Variants in SMAP1 observed in about 807,000 individuals in gnomAD.
The protein encoded by SMAP1 is small ArfGAP 1.
Under a neutral mutation model 58.5 loss-of-function variants are expected in SMAP1, and 24 were observed. The ratio of observed to expected loss-of-function variants is 0.41; its 90% CI spans 0.30 to 0.58. The LOEUF (loss-of-function observed/expected upper bound fraction) is 0.58. SMAP1 is among the 20% of genes least tolerant of loss of function. The pLI, the probability that SMAP1 is intolerant of heterozygous loss-of-function variation, is 0.29. For missense variants in SMAP1, 563 were observed against 566.3 expected (o/e 0.99, Z 0.06); for synonymous variants, 216 against 196.6 (o/e 1.10, Z -0.82).
chr6:70,825,614 A>G (rs1770082869), intron 6 of SMAP1, among the ~76,000 whole-genome samples: 1 of 152,168 alleles, frequency 6.6e-6, no homozygotes. Context: ...AGTCTTACGA[A>G]CAGGAGCTTA....
At chr6:70,675,640 G>A (rs1476254477) in intron 1 of SMAP1, among the ~76,000 whole-genome samples, 4 of 145,746 alleles carry the variant, frequency 2.7e-5, no homozygotes, top group Non-Finnish European at 6.0e-5. Context: ...AACAGAGCGA[G>A]ACTCCATCTC....
intron 1 of SMAP1, among the ~76,000 whole-genome samples, chr6:70,725,148 G>T (rs1161393617): frequency 2.3e-4 from 23 of 100,528 alleles, no homozygotes; most frequent in African/African-American, 7.9e-4. Context: ...ACGGAGTCTC[G>T]CTCTGTCGCC....
At chr6:70,735,652 C>G (rs1390235970) in intron 2 of SMAP1, among the ~76,000 whole-genome samples, 1 of 152,084 alleles carries the variant, frequency 6.6e-6, no homozygotes, top group Non-Finnish European at 1.5e-5. Flanking sequence ...ACCCGTAGTC[C>G]CAGCTACTCT....
At chr6:70,675,162 T>G (rs1766424815) in intron 1 of SMAP1, among the ~76,000 whole-genome samples, 1 of 140,108 alleles carries the variant, frequency 7.1e-6, no homozygotes, top group South Asian at 2.2e-4. Context: ...AAAAAGCAAA[T>G]AATAACATTA....
chr6:70,755,203 T>C (rs1766437301), intron 3 of SMAP1, 138 bp downstream of exon 3: 1 of 683,988 alleles, frequency 1.5e-6, no homozygotes, highest in East Asian at 2.8e-5. Flanking sequence ...TGACTTGCTG[T>C]GAGCTGTGCT....
chr6:70,743,608 C>G (rs890178432), intron 2 of SMAP1, among the ~76,000 whole-genome samples: 9 of 152,086 alleles, frequency 5.9e-5, no homozygotes, highest in South Asian at 2.1e-4. Flanking sequence ...TCAAGAAAAC[C>G]ATAGGCCAAA....
chr6:70,746,677 T>C (rs1766056404), intron 2 of SMAP1, among the ~76,000 whole-genome samples: 1 of 152,226 alleles, frequency 6.6e-6, no homozygotes, highest in Non-Finnish European at 1.5e-5. Flanking sequence ...CAGGATGATG[T>C]TGGCCTGGTA....
intron 1 of SMAP1, among the ~76,000 whole-genome samples, chr6:70,715,377 C>T (rs910750397): frequency 6.6e-6 from 1 of 151,892 alleles, no homozygotes; most frequent in African/African-American, 2.4e-5. Flanking sequence ...TGGGCATGAG[C>T]CACTGCACCT....
chr6:70,843,410 A>G (rs553732518), intron 7 of SMAP1, among the ~76,000 whole-genome samples: 165 of 152,226 alleles, frequency 1.1e-3, no homozygotes, highest in African/African-American at 3.8e-3. Flanking sequence ...GCTGACAGAT[A>G]TTTATTTATT....
intron 6 of SMAP1, among the ~76,000 whole-genome samples, chr6:70,816,850 G>A (rs1321746048): frequency 2.6e-5 from 4 of 152,016 alleles, no homozygotes; most frequent in Non-Finnish European, 4.4e-5. Context: ...ATGATTAGGC[G>A]TTAAACTTTA....
chr6:70,745,398 C>G (rs1263412433), intron 2 of SMAP1, among the ~76,000 whole-genome samples: 1 of 152,272 alleles, frequency 6.6e-6, no homozygotes, highest in Admixed American at 6.5e-5. Flanking sequence ...ATATGGCTAG[C>G]CAGTTTTCCC....
At chr6:70,858,959 C>T (rs1444806634) in intron 10 of SMAP1, 1 of 159,014 alleles carries the variant, frequency 6.3e-6, no homozygotes, top group African/African-American at 2.4e-5. Context: ...TCTGACTTTT[C>T]TCTAGCTGCA....
chr6:70,733,844 A>G (rs4706461), intron 2 of SMAP1, among the ~76,000 whole-genome samples: 64,285 of 151,952 alleles, frequency 0.42, 13,941 homozygotes, highest in South Asian at 0.48. Flanking sequence ...CAGTTCAGTT[A>G]TTCAGAAATA....
chr6:70,698,866 C>G (rs1353308795), intron 1 of SMAP1, among the ~76,000 whole-genome samples: 1 of 152,198 alleles, frequency 6.6e-6, no homozygotes. Flanking sequence ...GGTCACATAT[C>G]TCTGTCACTC....
At chr6:70,793,682 A>C (rs1366002628) in intron 5 of SMAP1, among the ~76,000 whole-genome samples, 1 of 149,358 alleles carries the variant, frequency 6.7e-6, no homozygotes, top group Non-Finnish European at 1.5e-5. Flanking sequence ...GAAAGCTTAA[A>C]AATTTTGGAA....
intron 1 of SMAP1, among the ~76,000 whole-genome samples, chr6:70,671,505 G>C (rs1161935596): frequency 6.6e-6 from 1 of 152,156 alleles, no homozygotes; most frequent in Admixed American, 6.5e-5. Flanking sequence ...GGGAGGCGGA[G>C]AGGCGGAGGT....
At chr6:70,749,667 A>G (rs986225785) in intron 2 of SMAP1, among the ~76,000 whole-genome samples, 1 of 152,010 alleles carries the variant, frequency 6.6e-6, no homozygotes, top group African/African-American at 2.4e-5. Context: ...TGTGAAAACT[A>G]TGCAGATAGC....
intron 3 of SMAP1, among the ~76,000 whole-genome samples, chr6:70,772,285 A>G (rs1188729613): frequency 6.6e-6 from 1 of 152,188 alleles, no homozygotes; most frequent in East Asian, 1.9e-4. Flanking sequence ...TGTTGCCTCA[A>G]CTGTCATTTT....
chr6:70,779,287 T>A (rs550088404), intron 4 of SMAP1, among the ~76,000 whole-genome samples: 2 of 152,284 alleles, frequency 1.3e-5, no homozygotes, highest in African/African-American at 4.8e-5. Context: ...CAAGTGATGT[T>A]GGGAGGGAGA....
Sources: gnomAD v4.1 joint callset for allele counts (sites outside exome capture counted in the v4.1 genomes callset) on GRCh38, gnomAD v4.1.1 for gene constraint, MANE v1.5 for transcripts, NCBI Gene and HGNC (gene_info 2026-07-23, HGNC 2026-07-21) for gene names.